The following SNX14 variants were observed in gnomAD, a reference collection of about 807,000 sequenced individuals.
SNX14 encodes the protein sorting nexin 14.
SNX14 carries 93 observed loss-of-function variants against 133.8 expected under a neutral mutation model. That is an observed-to-expected ratio of 0.70 (90% CI 0.59 to 0.83). The LOEUF is 0.83. Among genes scored for constraint, SNX14 ranks in the 40% least tolerant of loss-of-function variants. The pLI is 0.00. For synonymous variants in SNX14, 368 were observed against 365.6 expected (o/e 1.01, Z -0.07); for missense variants, 945 against 1,094.9 (o/e 0.86, Z 1.93).
Position 85,593,723 on chromosome 6 carries a change from G to A in SNX14, c.-5C>T, listed in dbSNP as rs748594716. On this transcript the variant is annotated 5_prime_UTR_variant, in exon 1 of 29. The change creates a new upstream start codon in the 5' untranslated region. Transcript: ENST00000314673. ...CGTCCGCACCCAGGGCACCATCTCCGTAACGGCGAGGCCGAGACTGCGCTA... is the reference window on the plus strand; with the variant it reads ...CGTCCGCACCCAGGGCACCATCTCCATAACGGCGAGGCCGAGACTGCGCTA... The A allele has an allele frequency of 1.2e-6, 2 of 1,613,446 alleles. No homozygotes were observed. The highest frequency in any genetic ancestry group is 1.7e-6 in the Non-Finnish European group (2 of 1,179,922).
At chr6:85,511,908 C>T (rs115888635) in intron 26 of SNX14, among the ~76,000 whole-genome samples, 42 of 152,296 alleles carry the variant, frequency 2.8e-4, no homozygotes, top group African/African-American at 9.9e-4. Context: ...CTGCTGCAAA[C>T]AGGCCTTTAG....
At chr6:85,518,090 C>T (rs751812331) in intron 21 of SNX14, 42 bp from the exon 22 acceptor site, 1 of 1,503,884 alleles carries the variant, frequency 6.6e-7, no homozygotes, top group South Asian at 1.2e-5. Context: ...AGGCATAAAA[C>T]TCTTCATAAT....
At chr6:85,580,354 C>T (rs1487210116) in intron 1 of SNX14, among the ~76,000 whole-genome samples, 2 of 152,186 alleles carry the variant, frequency 1.3e-5, no homozygotes, top group East Asian at 3.8e-4. Context: ...GGTATTCACA[C>T]AGTAGGTCTT....
Position 85,505,638 on chromosome 6 carries a change from C to T in SNX14, c.*329G>A. ...CTTATTCCTGTTTCTCCATACTAGG[C>T]ATAATTATTTTCAAAGCTATACAAT... On this transcript the variant is annotated 3_prime_UTR_variant, in exon 29 of 29. Transcript: ENST00000314673. 4.2e-6 allele frequency: 1 copy of T among 237,716 alleles called. No individual in the cohort carries two copies. The allele number at this position is 237,716 out of a possible 1,614,324, so 14.7% of individuals were successfully genotyped here.
At chr6:85,550,154 A>C (rs1787212966) in intron 7 of SNX14, among the ~76,000 whole-genome samples, 1 of 152,186 alleles carries the variant, frequency 6.6e-6, no homozygotes, top group Non-Finnish European at 1.5e-5. Flanking sequence ...GCTGAGGCAG[A>C]ATTGCTTGAA....
intron 19 of SNX14, among the ~76,000 whole-genome samples, chr6:85,528,797 CTGTAAGCCCAGCACT>C (rs1486279501): frequency 6.6e-6 from 1 of 152,116 alleles, no homozygotes; most frequent in African/African-American, 2.4e-5. Flanking sequence ...TGGTTCACAC[CTGTAAGCCCAGCACT>C]TTGAGAGGCC....
At chr6:85,582,543 T>A (rs1799365739) in intron 1 of SNX14, among the ~76,000 whole-genome samples, 2 of 148,670 alleles carry the variant, frequency 1.3e-5, no homozygotes, top group South Asian at 2.1e-4. Context: ...GCCAGACTAA[T>A]AAAGAAGAGA....
Position 85,543,605 on chromosome 6 carries a change from T to C in SNX14, c.1264A>G (p.Ile422Val), listed in dbSNP as rs1322721399. The C allele has an allele frequency of 3.8e-6, 6 of 1,569,546 alleles. No homozygotes were observed. The highest frequency in any genetic ancestry group is 5.2e-6 in the Non-Finnish European group (6 of 1,155,416). Reference sequence around the variant, plus strand: ...GTCATTCTTATCGTCTTTGACTTACTTCTTTGAATCTCTTCTACAATGAAG... The same window carrying C: ...GTCATTCTTATCGTCTTTGACTTACCTCTTTGAATCTCTTCTACAATGAAG... ...DPFIVEEIQR[I>V]AEGPYIDVVK... is the part of the protein sequence containing the mutation. The change falls in exon 13 of 29, where the codon ATT becomes GTT. Residue 422 changes from isoleucine to valine, a missense_variant and splice_region_variant. Around this residue, in one of 3 missense-constraint regions of SNX14, gnomAD observed 514 missense variants for 538.8 expected, o/e 0.95. Coordinates refer to ENST00000314673, the MANE Select transcript of SNX14 (RefSeq NM_153816.6).
intron 18 of SNX14, among the ~76,000 whole-genome samples, chr6:85,531,657 A>C (rs1190116655): frequency 1.3e-5 from 2 of 152,136 alleles, no homozygotes; most frequent in African/African-American, 4.8e-5. Context: ...TTTCTCCCTC[A>C]TAATCATGGT....
At chr6:85,569,451 C>T (rs1330165432) in intron 4 of SNX14, among the ~76,000 whole-genome samples, 1 of 152,196 alleles carries the variant, frequency 6.6e-6, no homozygotes, top group Non-Finnish European at 1.5e-5. Flanking sequence ...GTATAAATTG[C>T]ACTGATTTTG....
In SNX14 at chr6:85,546,565, AT is replaced by A. The variant is rs201909265; in HGVS notation, c.1108+546del. Among the ~76,000 whole-genome samples the A allele has an allele frequency of 1.4e-3, 215 of 150,056 alleles. 2 individuals carry two copies. Among genetic ancestry groups the A allele is most frequent in the African/African-American group, 4.4e-3 (180 of 40,972 alleles). ...ATTTTCATTATACTGTACTTTTAGT[AT>A]TTTTTTTTTCTGCTACTAGGATTTG... On this transcript the variant is annotated intron_variant, in intron 12 of 28. Transcript: ENST00000314673.
intron 7 of SNX14, among the ~76,000 whole-genome samples, chr6:85,550,907 A>G (rs932099109): frequency 6.6e-6 from 1 of 151,938 alleles, no homozygotes. Flanking sequence ...CAGCCTCCCA[A>G]GTAGCTGGGA....
intron 18 of SNX14, among the ~76,000 whole-genome samples, chr6:85,531,636 G>A (rs1780336794): frequency 6.6e-6 from 1 of 152,154 alleles, no homozygotes; most frequent in Admixed American, 6.6e-5. Flanking sequence ...TATACTAAAT[G>A]ATATACTTTT....
chr6:85,592,702 G>A (rs1020673003), intron 1 of SNX14, among the ~76,000 whole-genome samples: 2 of 151,940 alleles, frequency 1.3e-5, no homozygotes, highest in African/African-American at 4.8e-5. Flanking sequence ...AATATTATAG[G>A]GATGTGGCCG....
chr6:85,587,929 A>G (rs985936550), intron 1 of SNX14, among the ~76,000 whole-genome samples: 8 of 152,200 alleles, frequency 5.3e-5, no homozygotes, highest in Non-Finnish European at 8.8e-5. Flanking sequence ...TGAAACAGAT[A>G]CATACCTTAT....
At chr6:85,545,736 T>A (rs1234489239) in intron 12 of SNX14, among the ~76,000 whole-genome samples, 1 of 152,178 alleles carries the variant, frequency 6.6e-6, no homozygotes, top group Non-Finnish European at 1.5e-5. Context: ...CAGGCTGGAG[T>A]GCAGTGGCAT....
chr6:85,573,828 A>T (rs937453978), intron 2 of SNX14, among the ~76,000 whole-genome samples: 50 of 152,150 alleles, frequency 3.3e-4, no homozygotes, highest in African/African-American at 1.2e-3. Flanking sequence ...TCCCCAGGAG[A>T]TTTACTGTAC....
chr6:85,517,545 T>C (rs1775449097), intron 23 of SNX14: 3 of 413,976 alleles, frequency 7.2e-6, no homozygotes, highest in South Asian at 1.0e-4. Context: ...TTTGCAAATA[T>C]AGTATCCAGA....
chr6:85,539,713 T>G (rs1181560078), intron 15 of SNX14, among the ~76,000 whole-genome samples: 2 of 151,910 alleles, frequency 1.3e-5, no homozygotes, highest in Non-Finnish European at 2.9e-5. Flanking sequence ...GACTGATAGT[T>G]AACTATTAAA....
Sources: allele counts gnomAD v4.1 joint callset (sites outside exome capture counted in the v4.1 genomes callset), GRCh38; gene constraint gnomAD v4.1.1; regional missense constraint gnomAD v4.1.1; transcripts MANE v1.5; gene names NCBI Gene and HGNC (gene_info 2026-07-23, HGNC 2026-07-21).